The following STAP2 variants were observed in gnomAD, a reference collection of about 807,000 sequenced individuals.
STAP2 encodes the protein signal transducing adaptor family member 2, also known as signal-transducing adaptor protein 2.
In STAP2, 58 loss-of-function variants were observed where a neutral mutation model predicts 52.7. The observed-to-expected ratio is 1.10, with a 90% CI of 0.89 to 1.37. The LOEUF (loss-of-function observed/expected upper bound fraction) is 1.37, where lower values mean the gene tolerates loss of function less well. Among genes scored for constraint, STAP2 ranks in the 40% most tolerant of loss-of-function variants. STAP2 has a pLI of 0.00. For missense variants in STAP2, 522 were observed against 519.4 expected, an observed-to-expected ratio of 1.00 and a Z score of -0.05; for synonymous variants, 231 against 210.5, an observed-to-expected ratio of 1.10 and a Z score of -0.84.
rs1183699163 is a variant in STAP2, at chr19:4,324,212, C to A, written c.1148-15G>T. ...GTCTGCCAGCCCTGGGGGTTCAGGA[C>A]CAGGAGCTGCAGCTGGCTCAGGGAT... On this transcript the variant is annotated splice_polypyrimidine_tract_variant and intron_variant, in intron 12 of 12. Coordinates refer to ENST00000594605, the MANE Select transcript of STAP2 (RefSeq NM_001013841.2). The A allele has an allele frequency of 6.5e-7, 1 of 1,550,284 alleles. No individual in the cohort carries two copies. The highest frequency in any genetic ancestry group is 8.7e-7 in the Non-Finnish European group (1 of 1,146,934).
Position 4,332,031 on chromosome 19 carries a change from C to G in STAP2, c.345G>C (p.Thr115=), listed in dbSNP as rs765524733. The G allele has an allele frequency of 6.8e-6, 11 of 1,613,204 alleles. No individual in the cohort carries two copies. The highest frequency in any genetic ancestry group is 5.5e-5 in the South Asian group (5 of 90,904). ...GAGCCACTACTCTTACCTCCACCAC[C>G]GTTAAGATGAAGCCTTTCCACATTT... ...CREMWKGFIL[T]VVELRVPTDL... is the part of the protein sequence containing the mutation. The change falls in exon 4 of 13, where the codon ACG becomes ACC. Residue 115 remains threonine, a synonymous_variant. Transcript: ENST00000594605.
chr19:4,327,091 C>G, intron 8 of STAP2, 33 bp downstream of exon 8: 1 of 1,612,960 alleles, frequency 6.2e-7, no homozygotes, highest in Non-Finnish European at 8.5e-7. Context: ...GAGGTGAGCA[C>G]TGGGCCCCCG....
intron 11 of STAP2, 82 bp from the exon 12 acceptor site, chr19:4,324,611 C>A: frequency 7.0e-7 from 1 of 1,438,348 alleles, no homozygotes; most frequent in South Asian, 1.2e-5. Context: ...GTGGGTGGAT[C>A]ACTTGAGGTC....
chr19:4,331,626 T>C (rs746948597), intron 4 of STAP2, among the ~76,000 whole-genome samples: 3 of 147,044 alleles, frequency 2.0e-5, no homozygotes, highest in Admixed American at 6.8e-5. Context: ...TGAGACTCTG[T>C]CTCAAAAAAA....
At chr19:4,333,867 C>T (rs575905094) in intron 2 of STAP2, 51 bp from the exon 3 acceptor site, 4 of 1,612,856 alleles carry the variant, frequency 2.5e-6, no homozygotes, top group African/African-American at 1.3e-5. Context: ...GGCCTCCAGG[C>T]CCCCTGGATG....
intron 9 of STAP2, 140 bp from the exon 10 acceptor site, chr19:4,325,685 T>C (rs900538106): frequency 8.9e-7 from 1 of 1,120,582 alleles, no homozygotes; most frequent in Non-Finnish European, 1.2e-6. Context: ...TAAGTCTGTG[T>C]CTGGGCCGGG....
intron 1 of STAP2, 46 bp downstream of exon 1, chr19:4,338,606 T>A: frequency 9.0e-7 from 1 of 1,110,388 alleles, no homozygotes; most frequent in Non-Finnish European, 1.2e-6. Flanking sequence ...GTGCCGCAGC[T>A]CCCCACGGTG....
At chr19:4,332,201 T>A in intron 3 of STAP2, 123 bp from the exon 4 acceptor site, 3 of 181,846 alleles carry the variant, frequency 1.6e-5, no homozygotes, top group Non-Finnish European at 8.6e-6. Flanking sequence ...TTCTTCTTTT[T>A]TTTTTTTTTT....
chr19:4,325,136 CAA>C (rs5826839), intron 11 of STAP2, 78 bp downstream of exon 11: 215,954 of 1,065,948 alleles, frequency 0.2, 5,162 homozygotes, highest in East Asian at 0.4. Context: ...GAGACTGTCT[CAA>C]AAAAAAAAAA....
intron 1 of STAP2, among the ~76,000 whole-genome samples, chr19:4,336,028 TAA>T (rs2144796059): frequency 6.6e-6 from 1 of 152,238 alleles, no homozygotes; most frequent in African/African-American, 2.4e-5. Flanking sequence ...GTTTTGTTTT[TAA>T]GAGACAGAGT....
In STAP2 at chr19:4,328,657, C is replaced by A. The variant is rs761030817; in HGVS notation, c.590+18G>T. On this transcript the variant is annotated intron_variant, in intron 6 of 12. Transcript: ENST00000594605. ...CCACCCTCCTCCCACCCAGGGCTCTCCAGACGCGCATGCGCACCCGTTGTG... is the reference window on the plus strand; with the variant it reads ...CCACCCTCCTCCCACCCAGGGCTCTACAGACGCGCATGCGCACCCGTTGTG... 1.7e-5 allele frequency: 26 copies of A among 1,565,042 alleles called. No homozygotes were observed. Among genetic ancestry groups the A allele is most frequent in the Middle Eastern group, 2.3e-4 (1 of 4,390 alleles).
In STAP2 at chr19:4,327,110, G is replaced by C. The variant is rs756890792; in HGVS notation, c.763+14C>G. The C allele has an allele frequency of 1.9e-6, 3 of 1,614,004 alleles. No homozygotes were observed. The Admixed American group carries it at 5.0e-5, about 27-fold the overall frequency. Reference sequence around the variant, plus strand: ...TGAGCACTGGGCCCCCGAACTCCCCGAAGGGGCACCCACCTAGCACCTTCT... The same window carrying C: ...TGAGCACTGGGCCCCCGAACTCCCCCAAGGGGCACCCACCTAGCACCTTCT... On this transcript the variant is annotated intron_variant, in intron 8 of 12. Transcript: ENST00000594605.
intron 5 of STAP2, chr19:4,329,016 T>C (rs1971844544): frequency 1.5e-6 from 1 of 660,046 alleles, no homozygotes; most frequent in Admixed American, 3.5e-5. Flanking sequence ...TGTTTTTTTT[T>C]TGAGACAGGG....
In STAP2 at chr19:4,327,378, C is replaced by T. The variant is rs1211515585; in HGVS notation, c.598G>A (p.Val200Met). 1.2e-6 allele frequency: 2 copies of T among 1,614,154 alleles called. No homozygotes were observed. The highest frequency in any genetic ancestry group is 3.3e-5 in the Admixed American group (2 of 60,026). ...CGCTTCACCTTGTAATGCCGGACCA[C>T]GTGCGTCCTGCACCAGGAGAAAGCG... ...TTRQMHNGTH[V>M]VRHYKVKREG... is the part of the protein sequence containing the mutation. The change falls in exon 7 of 13, where the codon GTG (valine) becomes ATG (methionine). Residue 200 changes from valine to methionine, a missense_variant. Transcript: ENST00000594605.
intron 1 of STAP2, among the ~76,000 whole-genome samples, chr19:4,334,415 A>G (rs1971940472): frequency 6.6e-6 from 1 of 151,978 alleles, no homozygotes; most frequent in African/African-American, 2.4e-5. Flanking sequence ...CCATCTATCT[A>G]TCATCCATCT....
In STAP2 at chr19:4,329,975, T is replaced by C. The variant is rs375398895; in HGVS notation, c.441A>G (p.Ala147=). Residue 147 remains alanine (A), a synonymous_variant, in exon 5 of 13, where the codon GCA becomes GCG. Coordinates refer to ENST00000594605, the MANE Select transcript of STAP2 (RefSeq NM_001013841.2). ...EVLAKEEARR[A]LETPSCFLKV... ...GGGACACTCACGAGGGTGTCTCCAGTGCACGGCGCGCCTCCTCTTTGGCCA... is the reference window on the plus strand; with the variant it reads ...GGGACACTCACGAGGGTGTCTCCAGCGCACGGCGCGCCTCCTCTTTGGCCA... The C allele has an allele frequency of 3.1e-6, 5 of 1,613,212 alleles. No homozygotes were observed. Among genetic ancestry groups the C allele is most frequent in the Middle Eastern group, 1.6e-4 (1 of 6,082 alleles).
intron 3 of STAP2, among the ~76,000 whole-genome samples, chr19:4,333,116 G>A (rs1290946395): frequency 6.6e-6 from 1 of 151,898 alleles, no homozygotes; most frequent in Non-Finnish European, 1.5e-5. Context: ...CTTAAACCTG[G>A]GAGGCAGAGG....
intron 1 of STAP2, among the ~76,000 whole-genome samples, chr19:4,338,051 C>A (rs1313869626): frequency 3.3e-5 from 5 of 152,054 alleles, no homozygotes; most frequent in Admixed American, 3.3e-4. Flanking sequence ...GAATATGCGG[C>A]ATTGGGAAGG....
chr19:4,333,776 G>A lies in STAP2; in HGVS notation c.215C>T (p.Thr72Ile), dbSNP rs759948183. ...KLNLGAFEKLTDEIPWGSSRD... is the reference protein window; with the variant it reads ...KLNLGAFEKLIDEIPWGSSRD... ...TGAGCTTCCCCAGGGAATCTCATCT[G>A]TGAGTTTCTCAAATGCTCCCAAGTT... Residue 72 changes from threonine (T) to isoleucine (I), a missense_variant, in exon 3 of 13, where the codon ACA (threonine) becomes ATA (isoleucine). By Grantham distance (89) the Thr-to-Ile change is moderately conservative (BLOSUM62 -1). Transcript: ENST00000594605. 2.5e-6 allele frequency: 4 copies of A among 1,613,654 alleles called. No individual in the cohort carries two copies. In the African/African-American group the frequency reaches 5.3e-5, roughly 22 times the overall value.
Sources: gnomAD v4.1 joint callset for allele counts (sites outside exome capture counted in the v4.1 genomes callset) on GRCh38, gnomAD v4.1.1 for gene constraint, MANE v1.5 for transcripts, NCBI Gene and HGNC (gene_info 2026-07-23, HGNC 2026-07-21) for gene names.